Variants in BMP3 observed in about 807,000 individuals in gnomAD.
BMP3 encodes the protein bone morphogenetic protein 3 (osteogenic).
BMP3 carries 23 observed loss-of-function variants against 38.1 expected under a neutral mutation model. The observed-to-expected ratio is 0.60, with a 90% CI of 0.43 to 0.86. The LOEUF is 0.86. Ranked by LOEUF, BMP3 falls within the 40% of genes least tolerant of loss-of-function variation. The pLI is 0.00. For missense variants in BMP3, 628 were observed against 579.6 expected, an observed-to-expected ratio of 1.08 and a Z score of -0.86; for synonymous variants, 258 against 225.7, an observed-to-expected ratio of 1.14 and a Z score of -1.28.
intron 2 of BMP3, among the ~76,000 whole-genome samples, chr4:81,049,937 C>G (rs980907330): frequency 3.9e-5 from 6 of 152,154 alleles, no homozygotes; most frequent in African/African-American, 1.2e-4. Context: ...GCTTTGTTGG[C>G]CCTCCTTTCT....
chr4:81,044,396 ACT>A (rs1358354531), intron 1 of BMP3, among the ~76,000 whole-genome samples: 3 of 152,072 alleles, frequency 2.0e-5, no homozygotes, highest in Non-Finnish European at 2.9e-5. Flanking sequence ...CCTGTTTATT[ACT>A]CTCTTTTTAT....
chr4:81,040,859 T>C (rs1053915607), intron 1 of BMP3, among the ~76,000 whole-genome samples: 2 of 152,158 alleles, frequency 1.3e-5, no homozygotes, highest in African/African-American at 2.4e-5. Context: ...CCTGAAAAAA[T>C]CCACCCTTTT....
At chr4:81,036,453 A>T (rs545752982) in intron 1 of BMP3, among the ~76,000 whole-genome samples, 1 of 152,148 alleles carries the variant, frequency 6.6e-6, no homozygotes, top group East Asian at 1.9e-4. Flanking sequence ...TCAGTAACAG[A>T]ACATCTCTCC....
Position 81,046,525 on chromosome 4 carries a change from G to C in BMP3, c.1104G>C (p.Arg368=), listed in dbSNP as rs915981277. Residue 368 remains arginine (R), a synonymous_variant, in exon 2 of 3, where the codon CGG becomes CGC. Coordinates refer to ENST00000282701, the MANE Select transcript of BMP3 (RefSeq NM_001201.5). ...KARRKQWIEP[R]NCARRYLKVD... ...GGAGAAAGCAGTGGATTGAACCTCG[G>C]AATTGCGCCAGGAGATACCTCAAGG... The C allele has an allele frequency of 1.1e-5, 17 of 1,613,980 alleles. No individual in the cohort carries two copies. The highest frequency in any genetic ancestry group is 1.4e-5 in the Non-Finnish European group (16 of 1,180,012).
intron 2 of BMP3, among the ~76,000 whole-genome samples, chr4:81,048,549 C>A (rs1229213233): frequency 6.6e-6 from 1 of 152,130 alleles, no homozygotes; most frequent in Non-Finnish European, 1.5e-5. Flanking sequence ...GATTTGGTAT[C>A]CACCCCACCA....
Position 81,046,436 on chromosome 4 carries a change from A to G in BMP3, c.1015A>G (p.Arg339Gly). The G allele has an allele frequency of 1.9e-6, 3 of 1,613,808 alleles. No homozygotes were observed. The highest frequency in any genetic ancestry group is 2.5e-6 in the Non-Finnish European group (3 of 1,179,960). Reference sequence around the variant, plus strand: ...AAAGAGTAAGAATAAAAAGAAACAGAGAAAGGGGCCTCATCGGAAGAGCCA... The same window carrying G: ...AAAGAGTAAGAATAAAAAGAAACAGGGAAAGGGGCCTCATCGGAAGAGCCA... ...PEKSKNKKKQ[R>G]KGPHRKSQTL... The change falls in exon 2 of 3, where the codon AGA becomes GGA. Residue 339 changes from arginine (R) to glycine (G), a missense_variant. Arg to Gly is a moderately radical substitution (Grantham distance 125). Transcript: ENST00000282701.
At chr4:81,051,830 G>T (rs1476290152) in intron 2 of BMP3, among the ~76,000 whole-genome samples, 1 of 151,966 alleles carries the variant, frequency 6.6e-6, no homozygotes, top group East Asian at 1.9e-4. Flanking sequence ...AACATATACT[G>T]AAAATCTCTA....
intron 1 of BMP3, among the ~76,000 whole-genome samples, chr4:81,034,344 G>A (rs1739863831): frequency 6.6e-6 from 1 of 152,156 alleles, no homozygotes; most frequent in Non-Finnish European, 1.5e-5. Context: ...GAGAAGGTCA[G>A]CTTCATAAAA....
At chr4:81,052,785 C>A (rs1292778391) in intron 2 of BMP3, among the ~76,000 whole-genome samples, 1 of 152,044 alleles carries the variant, frequency 6.6e-6, no homozygotes, top group Non-Finnish European at 1.5e-5. Flanking sequence ...AAATCAATAC[C>A]CCTCTGACCT....
At chr4:81,035,623 A>G (rs1023689366) in intron 1 of BMP3, among the ~76,000 whole-genome samples, 4 of 152,098 alleles carry the variant, frequency 2.6e-5, no homozygotes, top group South Asian at 2.1e-4. Flanking sequence ...AGCAAGTACT[A>G]TGATGTATTT....
At chr4:81,032,114 A>G (rs186829632) in intron 1 of BMP3, among the ~76,000 whole-genome samples, 1 of 141,112 alleles carries the variant, frequency 7.1e-6, no homozygotes, top group East Asian at 2.2e-4. Flanking sequence ...TCGCTTCTCC[A>G]GATATTGCAC....
At position 81,045,882 on chromosome 4, in the gene BMP3, A is replaced by G. The variant is rs762781114; in HGVS notation, c.461A>G (p.His154Arg). 8.7e-6 allele frequency: 14 copies of G among 1,614,158 alleles called. No homozygotes were observed. Among genetic ancestry groups the G allele is most frequent in the Non-Finnish European group, 1.2e-5 (14 of 1,180,016 alleles). ...LSCPVSGGCS[H>R]HAQRKHIQID... ...TGTCCAGTGTCTGGAGGATGCTCCC[A>G]TCATGCTCAGAGGAAACACATTCAG... Residue 154 changes from histidine to arginine, a missense_variant, in exon 2 of 3, where the codon CAT (histidine) becomes CGT (arginine). Coordinates refer to ENST00000282701, the MANE Select transcript of BMP3 (RefSeq NM_001201.5).
chr4:81,030,962 G>A lies in BMP3; in HGVS notation c.-323G>A. 5.9e-6 allele frequency: 2 copies of A among 339,002 alleles called. No individual in the cohort carries two copies. The highest frequency in any genetic ancestry group is 1.1e-5 in the Non-Finnish European group (2 of 185,880). 21.0% of individuals were successfully genotyped at this position (339,002 alleles called of 1,614,324 possible). ...AAATAAAGCGAGGAGGGAAGGTACA[G>A]ACAGATCTTGAAAACACCCGGGCCA... On this transcript the variant is annotated 5_prime_UTR_variant, in exon 1 of 3. Transcript: ENST00000282701.
At chr4:81,048,537 T>C (rs1478747353) in intron 2 of BMP3, among the ~76,000 whole-genome samples, 1 of 152,174 alleles carries the variant, frequency 6.6e-6, no homozygotes, top group Non-Finnish European at 1.5e-5. Context: ...CTCTGGAGAA[T>C]TGATTTGGTA....
intron 1 of BMP3, among the ~76,000 whole-genome samples, chr4:81,038,900 A>G (rs1739991843): frequency 6.6e-6 from 1 of 152,240 alleles, no homozygotes; most frequent in Admixed American, 6.5e-5. Flanking sequence ...CTTTGGGCAG[A>G]GGCTAAGAGT....
Position 81,031,290 on chromosome 4 carries a change from T to C in BMP3, c.6T>C (p.Ala2=), listed in dbSNP as rs748873535. The C allele has an allele frequency of 5.0e-6, 8 of 1,601,524 alleles. No homozygotes were observed. The African/African-American group carries it at 1.1e-4, about 21-fold the overall frequency. The change falls in exon 1 of 3, where the codon GCT becomes GCC. Residue 2 remains alanine (A), a synonymous_variant. Coordinates refer to ENST00000282701, the MANE Select transcript of BMP3 (RefSeq NM_001201.5). ...CGCCGCGCGGGTACCTAGCCATGGC[T>C]GGGGCGAGCAGGCTGCTCTTTCTGT... M[A]GASRLLFLWL... is the part of the protein sequence containing the mutation.
chr4:81,032,790 G>A (rs1341260413), intron 1 of BMP3, among the ~76,000 whole-genome samples: 1 of 152,244 alleles, frequency 6.6e-6, no homozygotes, highest in Non-Finnish European at 1.5e-5. Flanking sequence ...TTACAGGCAT[G>A]ATGACATTTA....
chr4:81,030,906 T>A lies in BMP3; in HGVS notation c.-379T>A. 1 of 211,918 alleles carries A rather than the reference T, an allele frequency of 4.7e-6. No homozygotes were observed. Among genetic ancestry groups the A allele is most frequent in the African/African-American group, 2.4e-5 (1 of 42,318 alleles). The allele number at this position is 211,918 out of a possible 1,614,324, so 13.1% of individuals were successfully genotyped here. On this transcript the variant is annotated 5_prime_UTR_variant, in exon 1 of 3. Coordinates refer to ENST00000282701, the MANE Select transcript of BMP3 (RefSeq NM_001201.5). ...CCAAAACAGAGCTAGTCCTAGTCCC[T>A]CGCGCGGCCAGTTTGGCCGGGTGTT...
At position 81,031,381 on chromosome 4, in the gene BMP3, C is replaced by A. The variant is rs754583251; in HGVS notation, c.97C>A (p.Arg33Ser). 8 of 1,613,626 alleles carry A rather than the reference C, an allele frequency of 5.0e-6. No homozygotes were observed. Residue 33 changes from arginine to serine, a missense_variant, in exon 1 of 3, where the codon CGC (arginine) becomes AGC (serine). Coordinates refer to ENST00000282701, the MANE Select transcript of BMP3 (RefSeq NM_001201.5). Reference sequence around the variant, plus strand: ...ACCGAAGCCACCTTTCCCGGAGCTCCGCAAAGCTGTGCCAGGTGACCGCAC... The same window carrying A: ...ACCGAAGCCACCTTTCCCGGAGCTCAGCAAAGCTGTGCCAGGTGACCGCAC... ...ERPKPPFPEL[R>S]KAVPGDRTAG...
Sources: allele counts gnomAD v4.1 joint callset (sites outside exome capture counted in the v4.1 genomes callset), GRCh38; gene constraint gnomAD v4.1.1; transcripts MANE v1.5; gene names NCBI Gene and HGNC (gene_info 2026-07-23, HGNC 2026-07-21).